Variants in VCAN observed in about 807,000 individuals in gnomAD.
The protein encoded by VCAN is versican.
VCAN carries 44 observed loss-of-function variants against 245.5 expected under a neutral mutation model. The ratio of observed to expected loss-of-function variants is 0.18; its 90% CI spans 0.14 to 0.23. VCAN has a LOEUF of 0.23. VCAN is among the 10% of genes least tolerant of loss of function. VCAN has a pLI of 1.00. For synonymous variants in VCAN, 1,413 were observed against 1,437.0 expected (o/e 0.98, Z 0.38); for missense variants, 3,793 against 4,057.9 (o/e 0.93, Z 1.77).
At chr5:83,496,161 T>C (rs1432150673) in intron 5 of VCAN, among the ~76,000 whole-genome samples, 1 of 152,190 alleles carries the variant, frequency 6.6e-6, no homozygotes, top group Non-Finnish European at 1.5e-5. Flanking sequence ...CACAGTCTGC[T>C]CATAGTATCA....
intron 12 of VCAN, among the ~76,000 whole-genome samples, chr5:83,572,149 A>T (rs10065514): frequency 0.025 from 3,852 of 152,292 alleles, 117 homozygotes; most frequent in African/African-American, 0.079. Context: ...TTGATGATAT[A>T]TTTAGAAATC....
chr5:83,582,211 AC>A lies in VCAN; in HGVS notation c.*1778del, dbSNP rs1462711508. 2 of 152,134 alleles carry A rather than the reference AC, an allele frequency of 1.3e-5. No homozygotes were observed. Among genetic ancestry groups the A allele is most frequent in the Non-Finnish European group, 2.9e-5 (2 of 67,996 alleles). 9.4% of individuals were successfully genotyped at this position (152,134 alleles called of 1,614,324 possible). A position where few individuals can be genotyped will look rare whatever the true frequency, so the allele number is the denominator to read the frequency against. ...ACGTGTATAGTGTAAAATGTGAATG[AC>A]TTTTTTTGTGAATGAAAATCTAAAA... On this transcript the variant is annotated 3_prime_UTR_variant, in exon 15 of 15. Transcript: ENST00000265077.
chr5:83,550,963 T>G (rs1319118638), intron 10 of VCAN, among the ~76,000 whole-genome samples: 1 of 135,142 alleles, frequency 7.4e-6, no homozygotes, highest in East Asian at 2.2e-4. Context: ...CAAAAACCAC[T>G]CTAAGTGGTT....
chr5:83,529,577 ATCC>A (rs1344338216), intron 7 of VCAN, among the ~76,000 whole-genome samples: 1 of 152,120 alleles, frequency 6.6e-6, no homozygotes, highest in East Asian at 1.9e-4. Flanking sequence ...GGATTTTTGT[ATCC>A]TCCTAGAACC....
At chr5:83,526,542 C>T (rs1000486609) in intron 7 of VCAN, among the ~76,000 whole-genome samples, 10 of 152,044 alleles carry the variant, frequency 6.6e-5, no homozygotes. Flanking sequence ...TACCTCACAA[C>T]ACAGCTAGAA....
chr5:83,555,086 G>T, intron 12 of VCAN, 48 bp downstream of exon 12: 1 of 1,594,522 alleles, frequency 6.3e-7, no homozygotes, highest in Non-Finnish European at 8.6e-7. Context: ...CTGGAAATTT[G>T]GTACTGTGCA....
Position 83,537,051 on chromosome 5 carries a change from GAATCTA to G in VCAN, c.4051_4056del (p.Ser1351_Lys1352del), listed in dbSNP as rs763148343. ...TGTAATTGGTCATCCAATAGATTCA[GAATCTA>G]AAGAAGATGAACCTTGTAGTGAAGA... On this transcript the variant is annotated inframe_deletion, in exon 8 of 15. Transcript: ENST00000265077. The G allele has an allele frequency of 1.1e-5, 18 of 1,610,658 alleles. No homozygotes were observed. The highest frequency in any genetic ancestry group is 1.5e-5 in the Non-Finnish European group (18 of 1,178,784).
chr5:83,512,442 G>T lies in VCAN; in HGVS notation c.1042+46G>T, dbSNP rs368033483. On this transcript the variant is annotated intron_variant, in intron 6 of 14. Transcript: ENST00000265077. ...TAAAAATTACAGTTTTAAAAAAAAT[G>T]CTTCGAAGCATGCATTGATGTTCAA... 1.8e-5 allele frequency: 29 copies of T among 1,596,912 alleles called. No homozygotes were observed. The African/African-American group carries it at 3.5e-4, about 19-fold the overall frequency.
Position 83,538,995 on chromosome 5 carries a change from GCCTTCC to G in VCAN, c.5996_6001del (p.Phe1999_Pro2000del). On this transcript the variant is annotated inframe_deletion, in exon 8 of 15. Coordinates refer to ENST00000265077, the MANE Select transcript of VCAN (RefSeq NM_004385.5). Reference sequence around the variant, plus strand: ...CAGTAGCACCATGGTCAGCACTTCAGCCTTCCCCTGGGAAGAGTTTACATCCTCAGC... The same window carrying G: ...CAGTAGCACCATGGTCAGCACTTCAGCCTGGGAAGAGTTTACATCCTCAGC... 2 of 1,614,002 alleles carry G rather than the reference GCCTTCC, an allele frequency of 1.2e-6. No individual in the cohort carries two copies. The highest frequency in any genetic ancestry group is 8.5e-7 in the Non-Finnish European group (1 of 1,179,964).
chr5:83,555,181 T>G, intron 12 of VCAN, 143 bp downstream of exon 12: 4 of 805,908 alleles, frequency 5.0e-6, no homozygotes, highest in Non-Finnish European at 8.4e-6. Context: ...AGAGAAGGGT[T>G]AGAAGAGTTC....
At chr5:83,546,341 A>G (rs768133838) in intron 9 of VCAN, among the ~76,000 whole-genome samples, 50 of 152,168 alleles carry the variant, frequency 3.3e-4, no homozygotes, top group Admixed American at 1.4e-3. Context: ...TTTTAGAGAT[A>G]TCATGAAGGT....
At position 83,520,502 on chromosome 5, in the gene VCAN, G is replaced by A. The variant is rs776554165; in HGVS notation, c.2196G>A (p.Glu732=). ...SGMKLSTSLS[E]PIHVTESSVE... ...TGAAACTCTCTACATCTCTCTCAGA[G>A]CCAATTCATGTTACAGAGTCTTCTG... Residue 732 remains glutamate (E), a synonymous_variant, in exon 7 of 15, where the codon GAG becomes GAA. Coordinates refer to ENST00000265077, the MANE Select transcript of VCAN (RefSeq NM_004385.5). 2.5e-6 allele frequency: 4 copies of A among 1,613,978 alleles called. No homozygotes were observed. The highest frequency in any genetic ancestry group is 2.2e-5 in the East Asian group (1 of 44,874).
At chr5:83,574,612 T>C (rs1315864879) in intron 13 of VCAN, among the ~76,000 whole-genome samples, 1 of 152,186 alleles carries the variant, frequency 6.6e-6, no homozygotes, top group Non-Finnish European at 1.5e-5. Flanking sequence ...TTTAGGAATT[T>C]CAAAATTTGG....
rs543210334 is a variant in VCAN at position 83,581,800 on chromosome 5, A to C, written c.*1366A>C. On this transcript the variant is annotated 3_prime_UTR_variant, in exon 15 of 15. Transcript: ENST00000265077. ...CATTATTTGAATAAAGTGACTGCTG[A>C]AGATGACTTTGAATCCTTATCCACT... 6 of 152,334 alleles carry C rather than the reference A, an allele frequency of 3.9e-5. No individual in the cohort carries two copies. The highest frequency in any genetic ancestry group is 1.4e-4 in the African/African-American group (6 of 41,584). The allele number at this position is 152,334 out of a possible 1,614,324, so 9.4% of individuals were successfully genotyped here. A position where few individuals can be genotyped will look rare whatever the true frequency, so the allele number is the denominator to read the frequency against.
Position 83,537,710 on chromosome 5 carries a change from A to G in VCAN, c.4707A>G (p.Thr1569=), listed in dbSNP as rs1358553382. The G allele has an allele frequency of 6.2e-7, 1 of 1,613,976 alleles. No homozygotes were observed. Among genetic ancestry groups the G allele is most frequent in the Non-Finnish European group, 8.5e-7 (1 of 1,179,958 alleles). ...KIAFARATEV[T]FGEEVEKSTS... Reference sequence around the variant, plus strand: ...CCTTTGCAAGGGCTACAGAAGTAACATTTGGTGAAGAGGTAGAAAAAAGTA... The same window carrying G: ...CCTTTGCAAGGGCTACAGAAGTAACGTTTGGTGAAGAGGTAGAAAAAAGTA... The change falls in exon 8 of 15, where the codon ACA becomes ACG. Residue 1569 remains threonine (T), a synonymous_variant. Transcript: ENST00000265077.
rs1397183206 is a variant in VCAN, at chr5:83,539,388, C to T, written c.6385C>T (p.Pro2129Ser). The change falls in exon 8 of 15, where the codon CCT (proline) becomes TCT (serine). Residue 2129 changes from proline to serine, a missense_variant. Pro to Ser is a moderately conservative substitution (Grantham distance 74). Transcript: ENST00000265077. ...TCAAGAAGAAAAGTCATTTGAATCC[C>T]CTCAAAACTCTCCTGCAACAGAACA... ...QIQEEKSFES[P>S]QNSPATEQTI... 2 of 1,614,004 alleles carry T rather than the reference C, an allele frequency of 1.2e-6. No homozygotes were observed. Among genetic ancestry groups the T allele is most frequent in the Admixed American group, 1.7e-5 (1 of 59,974 alleles).
At chr5:83,494,975 G>T (rs2112360942) in intron 5 of VCAN, among the ~76,000 whole-genome samples, 1 of 152,198 alleles carries the variant, frequency 6.6e-6, no homozygotes, top group South Asian at 2.1e-4. Context: ...GTGAGATCTT[G>T]TCTCAACAAA....
chr5:83,486,028 G>A (rs1297336567), intron 2 of VCAN, among the ~76,000 whole-genome samples: 4 of 152,116 alleles, frequency 2.6e-5, no homozygotes, highest in Non-Finnish European at 5.9e-5. Context: ...CACCTACTGG[G>A]AGGGCTGAGG....
chr5:83,526,130 G>A (rs1048231726), intron 7 of VCAN, among the ~76,000 whole-genome samples: 1 of 152,074 alleles, frequency 6.6e-6, no homozygotes. Flanking sequence ...AGTAGAGACA[G>A]GGTTTCACCA....
Sources: gnomAD v4.1 joint callset for allele counts (sites outside exome capture counted in the v4.1 genomes callset) on GRCh38, gnomAD v4.1.1 for gene constraint, MANE v1.5 for transcripts, NCBI Gene and HGNC (gene_info 2026-07-23, HGNC 2026-07-21) for gene names.